Variants in PEX7 observed in about 807,000 individuals in gnomAD.
PEX7 encodes the protein PTS2 receptor.
PEX7 carries 34 observed loss-of-function variants against 47.5 expected under a neutral mutation model. The observed-to-expected ratio is 0.72, with a 90% CI of 0.54 to 0.95. PEX7 has a LOEUF of 0.95. Among genes scored for constraint, PEX7 ranks in the 40% least tolerant of loss-of-function variants. The pLI, the probability that PEX7 is intolerant of heterozygous loss-of-function variation, is 0.00. For missense variants in PEX7, 394 were observed against 400.3 expected (o/e 0.98, Z 0.13); for synonymous variants, 141 against 148.8 (o/e 0.95, Z 0.38).
intron 5 of PEX7, among the ~76,000 whole-genome samples, chr6:136,865,953 T>C (rs6420757): frequency 0.64 from 97,105 of 151,718 alleles, 31,212 homozygotes; most frequent in African/African-American, 0.7. Context: ...CGTGGTGGTG[T>C]GCACCTGTAG....
chr6:136,882,015 C>T (rs1775383448), intron 8 of PEX7, among the ~76,000 whole-genome samples: 2 of 152,118 alleles, frequency 1.3e-5, no homozygotes, highest in East Asian at 1.9e-4. Context: ...AATCAATGAT[C>T]GTGTATAACT....
intron 9 of PEX7, among the ~76,000 whole-genome samples, chr6:136,898,496 G>A (rs1159221104): frequency 1.3e-5 from 2 of 152,164 alleles, no homozygotes; most frequent in African/African-American, 4.8e-5. Flanking sequence ...GCTTTCTCTA[G>A]GCCTCTCCCA....
intron 5 of PEX7, among the ~76,000 whole-genome samples, chr6:136,846,908 A>C (rs1473966447): frequency 6.6e-6 from 1 of 152,200 alleles, no homozygotes; most frequent in Non-Finnish European, 1.5e-5. Context: ...ATCCTTGAGG[A>C]ATCGCCACAC....
intron 3 of PEX7, chr6:136,829,881 G>A (rs1163319900): frequency 7.9e-6 from 5 of 633,572 alleles, no homozygotes; most frequent in Non-Finnish European, 1.4e-5. Context: ...AGGTTGCAGT[G>A]AGCTGAGTTC....
chr6:136,912,343 AG>A (rs1775947088), intron 9 of PEX7, among the ~76,000 whole-genome samples: 3 of 151,654 alleles, frequency 2.0e-5, no homozygotes, highest in Non-Finnish European at 2.9e-5. Context: ...TTTTTCTGAA[AG>A]TGTTATACAG....
chr6:136,882,719 C>T (rs17253888), intron 8 of PEX7, among the ~76,000 whole-genome samples: 231 of 152,100 alleles, frequency 1.5e-3, no homozygotes, highest in East Asian at 5.6e-3. Flanking sequence ...GACTTTACGC[C>T]GTGAAGTGAC....
chr6:136,890,552 G>A (rs764234092), intron 8 of PEX7, among the ~76,000 whole-genome samples: 5 of 152,018 alleles, frequency 3.3e-5, no homozygotes, highest in Non-Finnish European at 7.4e-5. Flanking sequence ...CTTTGTCGGT[G>A]TCTGTCTTCT....
Position 136,822,662 on chromosome 6 carries a change from C to T in PEX7, c.-4C>T. 2.6e-6 allele frequency: 4 copies of T among 1,521,860 alleles called. No individual in the cohort carries two copies. The highest frequency in any genetic ancestry group is 2.6e-6 in the Non-Finnish European group (3 of 1,139,406). 94.3% of individuals were successfully genotyped at this position (1,521,860 alleles called of 1,614,324 possible). A position where few individuals can be genotyped will look rare whatever the true frequency, so the allele number is the denominator to read the frequency against. On this transcript the variant is annotated 5_prime_UTR_variant, in exon 1 of 10. Coordinates refer to ENST00000318471, the MANE Select transcript of PEX7 (RefSeq NM_000288.4). ...GGCAGCGAGGGCCGGGGGCGGCGGG[C>T]GGGATGAGTGCGGTGTGCGGTGGAG... is the stretch of plus-strand genomic sequence containing the variant.
intron 7 of PEX7, among the ~76,000 whole-genome samples, chr6:136,870,990 G>A (rs1775169322): frequency 6.6e-6 from 1 of 152,132 alleles, no homozygotes; most frequent in African/African-American, 2.4e-5. Context: ...GAGTCACTGT[G>A]CCTGGCCAAA....
intron 3 of PEX7, among the ~76,000 whole-genome samples, chr6:136,837,312 A>G (rs1774405783): frequency 6.8e-6 from 1 of 147,052 alleles, no homozygotes; most frequent in South Asian, 2.2e-4. Context: ...CAGTGCGCCA[A>G]GATCGCGCCA....
chr6:136,898,802 C>G (rs1441938312), intron 9 of PEX7, among the ~76,000 whole-genome samples: 1 of 151,914 alleles, frequency 6.6e-6, no homozygotes, highest in African/African-American at 2.4e-5. Context: ...TTTAAATATC[C>G]CTCAGGTTTT....
chr6:136,907,019 A>G (rs1472555366), intron 9 of PEX7, among the ~76,000 whole-genome samples: 1 of 152,132 alleles, frequency 6.6e-6, no homozygotes, highest in Non-Finnish European at 1.5e-5. Flanking sequence ...TTGCAGAACA[A>G]TTACATTTTG....
chr6:136,849,107 C>A (rs904424921), intron 5 of PEX7, among the ~76,000 whole-genome samples: 1 of 152,090 alleles, frequency 6.6e-6, no homozygotes, highest in East Asian at 1.9e-4. Context: ...GGAATTTATC[C>A]ATTTCTTCTA....
In PEX7 at chr6:136,900,667, A is replaced by G. The variant is rs1738555418; in HGVS notation, c.903+2426A>G. ...TTTATGAGACAGGGCAGGCAGGAAG[A>G]CAACCAGCTTGATGGGATCCACGTC... is the stretch of plus-strand genomic sequence containing the variant. On this transcript the variant is annotated intron_variant, in intron 9 of 9. Coordinates refer to ENST00000318471, the MANE Select transcript of PEX7 (RefSeq NM_000288.4). This position sits in a 1 kb window ranked among gnomAD's most constrained non-coding sequence, Gnocchi z 4.2. The G allele has an allele frequency of 3.0e-6, 1 of 334,280 alleles. No individual in the cohort carries two copies. Among genetic ancestry groups the G allele is most frequent in the South Asian group, 2.5e-5 (1 of 40,800 alleles). 20.7% of individuals were successfully genotyped at this position (334,280 alleles called of 1,614,324 possible).
Position 136,900,782 on chromosome 6 carries a change from TG to T in PEX7, c.903+2545del. The stretch of plus-strand genomic sequence containing the variant: ...GCTTGAAGGACAGGTGGTCTCTTAG[TG>T]GGGACATCCCCTTTGCCAACAGCTT... On this transcript the variant is annotated intron_variant, in intron 9 of 9. Coordinates refer to ENST00000318471, the MANE Select transcript of PEX7 (RefSeq NM_000288.4). The surrounding 1 kb of genome is among the most constrained non-coding windows in gnomAD (Gnocchi z 4.2). 1 of 335,450 alleles carries T rather than the reference TG, an allele frequency of 3.0e-6. No individual in the cohort carries two copies. The allele number at this position is 335,450 out of a possible 1,614,324, so 20.8% of individuals were successfully genotyped here.
At chr6:136,822,980 C>T in intron 1 of PEX7, 185 bp downstream of exon 1, 2 of 985,486 alleles carry the variant, frequency 2.0e-6, no homozygotes, top group Non-Finnish European at 2.4e-6. Context: ...AGGAGTTGGT[C>T]TGAAGCAGGA....
At chr6:136,838,082 G>A (rs1271858929) in intron 3 of PEX7, among the ~76,000 whole-genome samples, 1 of 152,158 alleles carries the variant, frequency 6.6e-6, no homozygotes, top group African/African-American at 2.4e-5. Flanking sequence ...AGGAATAACA[G>A]AATTAGAAAA....
chr6:136,874,554 C>T (rs867612218), intron 8 of PEX7, among the ~76,000 whole-genome samples: 54 of 151,760 alleles, frequency 3.6e-4, no homozygotes, highest in Admixed American at 9.2e-4. Context: ...TGCCTGTAAT[C>T]CCAGCTACTT....
At chr6:136,897,116 T>A (rs1272569885) in intron 8 of PEX7, among the ~76,000 whole-genome samples, 2 of 152,226 alleles carry the variant, frequency 1.3e-5, no homozygotes, top group Non-Finnish European at 2.9e-5. Context: ...CAGTGGATTA[T>A]CCATAGCGAC....
Sources: allele counts gnomAD v4.1 joint callset (sites outside exome capture counted in the v4.1 genomes callset), GRCh38; gene constraint gnomAD v4.1.1; non-coding constraint Gnocchi (gnomAD v3.1); transcripts MANE v1.5; gene names NCBI Gene and HGNC (gene_info 2026-07-23, HGNC 2026-07-21).